Variants in KIF5C observed in about 807,000 individuals in gnomAD.
The protein encoded by KIF5C is kinesin heavy chain isoform 5C.
A neutral mutation model predicts 125.2 loss-of-function variants in KIF5C; 18 were observed. The ratio of observed to expected loss-of-function variants is 0.14; its 90% confidence interval spans 0.10 to 0.21. The LOEUF is 0.21. Ranked by LOEUF, KIF5C falls within the 10% of genes least tolerant of loss-of-function variation. The probability of loss-of-function intolerance (pLI) is 1.00; values close to 1 mark genes in which losing one functional copy is unlikely to be tolerated. For synonymous variants in KIF5C, 405 were observed against 434.0 expected, an observed-to-expected ratio of 0.93 and a Z score of 0.83; for missense variants, 780 against 1,183.8, an observed-to-expected ratio of 0.66 and a Z score of 5.01.
Position 148,942,709 on chromosome 2 carries a change from G to A in KIF5C, c.538G>A (p.Val180Ile). 1 of 1,611,564 alleles carries A rather than the reference G, an allele frequency of 6.2e-7. No homozygotes were observed. Among genetic ancestry groups the A allele is most frequent in the Non-Finnish European group, 8.5e-7 (1 of 1,179,072 alleles). The change falls in exon 7 of 26, where the codon GTC becomes ATC. Residue 180 changes from valine (V) to isoleucine (I), a missense_variant. Physicochemically the swap from Val to Ile is conservative, Grantham distance 29. This residue lies in a region of KIF5C where 207 missense variants were observed against 441.2 expected (regional missense o/e 0.47). Transcript: ENST00000435030. ...GCGGTTTGTGTCGAGCCCTGAGGAA[G>A]TCATGGATGTAATAGATGAAGGCAA... ...TERFVSSPEE[V>I]MDVIDEGKAN... is the part of the protein sequence containing the mutation.
At chr2:148,988,541 C>T (rs181708972) in intron 15 of KIF5C, among the ~76,000 whole-genome samples, 1 of 152,330 alleles carries the variant, frequency 6.6e-6, no homozygotes, top group East Asian at 1.9e-4. Flanking sequence ...GCTTCTGGCT[C>T]AGCAGCGTTT....
intron 25 of KIF5C, among the ~76,000 whole-genome samples, chr2:149,016,540 AT>A (rs1449760919): frequency 6.6e-6 from 1 of 152,166 alleles, no homozygotes; most frequent in Admixed American, 6.5e-5. Context: ...TAGTTCCTAG[AT>A]TTTTGTGGGC....
intron 18 of KIF5C, 197 bp downstream of exon 18, chr2:148,997,537 G>A (rs762153037): frequency 4.1e-6 from 4 of 971,050 alleles, no homozygotes; most frequent in Non-Finnish European, 6.0e-6. Flanking sequence ...ACCCCAAGAT[G>A]TCTGTAGAGA....
chr2:148,965,565 T>C (rs1347854422), intron 11 of KIF5C, among the ~76,000 whole-genome samples: 1 of 152,152 alleles, frequency 6.6e-6, no homozygotes, highest in African/African-American at 2.4e-5. Flanking sequence ...GAGAGGTCCT[T>C]TGTCCCATGG....
intron 23 of KIF5C, among the ~76,000 whole-genome samples, chr2:149,009,645 G>A (rs1006024798): frequency 6.6e-5 from 10 of 152,170 alleles, no homozygotes; most frequent in Non-Finnish European, 1.3e-4. Context: ...CTCTGGATGT[G>A]TTGCAAAGCT....
chr2:148,972,595 C>T (rs1680946798), intron 11 of KIF5C, among the ~76,000 whole-genome samples: 1 of 152,150 alleles, frequency 6.6e-6, no homozygotes, highest in African/African-American at 2.4e-5. Flanking sequence ...TTTGAAGGCC[C>T]CAACAAATGC....
intron 12 of KIF5C, among the ~76,000 whole-genome samples, chr2:148,975,443 G>T (rs1681034048): frequency 6.6e-6 from 1 of 152,198 alleles, no homozygotes; most frequent in African/African-American, 2.4e-5. Context: ...CACTAGCCCA[G>T]GGTGGTTATG....
rs764053727 is a variant in KIF5C at position 149,010,361 on chromosome 2, T to C, written c.2767+10T>C. 9.5e-5 allele frequency: 147 copies of C among 1,545,120 alleles called. No homozygotes were observed. The highest frequency in any genetic ancestry group is 1.2e-4 in the Non-Finnish European group (140 of 1,146,658). On this transcript the variant is annotated intron_variant, in intron 24 of 25. Transcript: ENST00000435030. ...CATTCAGCCCAGATCGGTACGTGCG[T>C]GCACAGTGGCGCCCGGGGTTTGAGA...
intron 15 of KIF5C, among the ~76,000 whole-genome samples, chr2:148,986,921 A>G (rs543431068): frequency 4.3e-4 from 65 of 152,338 alleles, no homozygotes; most frequent in African/African-American, 1.5e-3. Context: ...CCCAATGTTA[A>G]CTTTATCGAA....
chr2:148,959,582 C>T (rs77682248), intron 10 of KIF5C, among the ~76,000 whole-genome samples: 3,154 of 152,218 alleles, frequency 0.021, 98 homozygotes, highest in African/African-American at 0.065. Context: ...AATGAAGTCT[C>T]GGGCTCCAGT....
intron 17 of KIF5C, among the ~76,000 whole-genome samples, chr2:148,996,902 G>A (rs898508221): frequency 2.6e-5 from 4 of 152,168 alleles, no homozygotes; most frequent in South Asian, 2.1e-4. Flanking sequence ...TGTAAGGCCC[G>A]TTCATGCACA....
chr2:148,911,860 A>T (rs1681351104), intron 1 of KIF5C, among the ~76,000 whole-genome samples: 1 of 152,106 alleles, frequency 6.6e-6, no homozygotes, highest in Non-Finnish European at 1.5e-5. Flanking sequence ...TTAAACTATT[A>T]TCTGCTGGCC....
At chr2:148,909,815 C>T (rs988098996) in intron 1 of KIF5C, among the ~76,000 whole-genome samples, 8 of 152,268 alleles carry the variant, frequency 5.3e-5, no homozygotes, top group East Asian at 1.9e-4. Flanking sequence ...TATCTGTGAT[C>T]GAGAGTCTTT....
chr2:148,993,863 G>A (rs1681593160), intron 16 of KIF5C, among the ~76,000 whole-genome samples: 1 of 152,168 alleles, frequency 6.6e-6, no homozygotes, highest in Non-Finnish European at 1.5e-5. Context: ...CTGTAAGAAA[G>A]TGTTGGGGCC....
chr2:148,906,105 G>C (rs958481170), intron 1 of KIF5C, among the ~76,000 whole-genome samples: 4 of 152,190 alleles, frequency 2.6e-5, no homozygotes, highest in African/African-American at 9.7e-5. Flanking sequence ...CTAGGAGGGA[G>C]GGGAGAGAGA....
chr2:149,010,534 G>A (rs773761116), intron 24 of KIF5C, among the ~76,000 whole-genome samples, 183 bp downstream of exon 24: 13 of 152,340 alleles, frequency 8.5e-5, no homozygotes, highest in South Asian at 2.1e-4. Context: ...AATGTCAGGC[G>A]CCCCCGTTAT....
chr2:149,004,012 A>C (rs1199198144), intron 21 of KIF5C, among the ~76,000 whole-genome samples: 1 of 152,248 alleles, frequency 6.6e-6, no homozygotes, highest in Non-Finnish European at 1.5e-5. Flanking sequence ...GGCCTGGGAC[A>C]GTGTGTCTGT....
rs1004540786 is a variant in KIF5C at position 148,950,005 on chromosome 2, T to C, written c.819+62T>C. ...TGAGAAACCACCTTTTGGGGCCTCA[T>C]AGTCCCTTTGCCACACACCCCAAAG... On this transcript the variant is annotated intron_variant, in intron 9 of 25. Coordinates refer to ENST00000435030, the MANE Select transcript of KIF5C (RefSeq NM_004522.3). 5 of 1,549,808 alleles carry C rather than the reference T, an allele frequency of 3.2e-6. No individual in the cohort carries two copies. The African/African-American group carries it at 5.5e-5, about 17-fold the overall frequency.
At chr2:148,958,466 A>G (rs1682850354) in intron 10 of KIF5C, among the ~76,000 whole-genome samples, 1 of 152,114 alleles carries the variant, frequency 6.6e-6, no homozygotes, top group Non-Finnish European at 1.5e-5. Context: ...GAGGTGTTTT[A>G]TTGGCACTTC....
Sources: gnomAD v4.1 joint callset for allele counts (sites outside exome capture counted in the v4.1 genomes callset) on GRCh38, gnomAD v4.1.1 for gene constraint, gnomAD v4.1.1 regional missense constraint, MANE v1.5 for transcripts, NCBI Gene and HGNC (gene_info 2026-07-23, HGNC 2026-07-21) for gene names.